The following POLR2F variants were observed in gnomAD, a reference collection of about 807,000 sequenced individuals.
POLR2F encodes RNA polymerase II, I and III subunit F, also known as DNA-directed RNA polymerases I, II, and III subunit RPABC2.
POLR2F carries 12 observed loss-of-function variants against 22.7 expected under a neutral mutation model. That is an observed-to-expected ratio of 0.53 (90% CI 0.34 to 0.86). POLR2F has a LOEUF of 0.86. POLR2F is among the 40% of genes least tolerant of loss of function. The pLI is 0.02. For synonymous variants in POLR2F, 57 were observed against 66.0 expected, an observed-to-expected ratio of 0.86 and a Z score of 0.66; for missense variants, 126 against 171.5, an observed-to-expected ratio of 0.73 and a Z score of 1.48.
Position 37,953,713 on chromosome 22 carries a change from G to A in POLR2F, c.-75G>A, listed in dbSNP as rs377480087. ...AGGCGCAAGATAAGCTAGGAGCCGC[G>A]CGAGTCGTAGTGTCGCTGTTTGCGG... is the stretch of plus-strand genomic sequence containing the variant. On this transcript the variant is annotated 5_prime_UTR_variant, in exon 1 of 5. Coordinates refer to ENST00000442738, the MANE Select transcript of POLR2F (RefSeq NM_021974.5). 4 of 1,548,490 alleles carry A rather than the reference G, an allele frequency of 2.6e-6. No individual in the cohort carries two copies. Among genetic ancestry groups the A allele is most frequent in the East Asian group, 2.3e-5 (1 of 43,624 alleles).
chr22:38,025,649 A>T, intron 1 of POLR2F: 1 of 1,564,768 alleles, frequency 6.4e-7, no homozygotes, highest in Non-Finnish European at 8.6e-7. Context: ...AGGCTCTTTC[A>T]GCATCTCCTC....
downstream of POLR2F, among the ~76,000 whole-genome samples, chr22:37,969,914 G>A (rs1308905996): frequency 6.6e-6 from 1 of 152,150 alleles, no homozygotes; most frequent in Non-Finnish European, 1.5e-5. Flanking sequence ...CAAGGCATCA[G>A]TAGTCTCCAT....
At chr22:37,988,132 G>C (rs535937616) in intron 1 of POLR2F, 1 of 148,130 alleles carries the variant, frequency 6.8e-6, no homozygotes, top group African/African-American at 2.5e-5. Flanking sequence ...GACCATCCTG[G>C]CCAACATGGT....
chr22:37,997,985 G>A lies in POLR2F; in HGVS notation c.120+11673G>A, dbSNP rs763154043. ...GAGCAGGTGTTTGTGTCCCCTTCCG[G>A]TGAGAGCTTTCCAGCGCCCAGAGAG... On this transcript the variant is annotated intron_variant, in intron 1 of 2. Coordinates refer to the POLR2F transcript ENST00000333418. The surrounding 1 kb of genome is among the most constrained non-coding windows in gnomAD (Gnocchi z 4.4). Among the ~76,000 whole-genome samples the A allele has an allele frequency of 3.3e-5, 5 of 152,182 alleles. No homozygotes were observed. The highest frequency in any genetic ancestry group is 7.2e-5 in the African/African-American group (3 of 41,440).
At chr22:38,009,884 T>G (rs7285071) in intron 1 of POLR2F, among the ~76,000 whole-genome samples, 3,226 of 152,336 alleles carry the variant, frequency 0.021, 121 homozygotes, top group African/African-American at 0.074. Flanking sequence ...AATATGTCAT[T>G]GTATGGCTAG....
At chr22:38,001,567 C>T (rs901448082) in intron 1 of POLR2F, among the ~76,000 whole-genome samples, 1 of 152,162 alleles carries the variant, frequency 6.6e-6, no homozygotes, top group Non-Finnish European at 1.5e-5. Flanking sequence ...GAGTCTCATT[C>T]TGTTGCCCAG....
At chr22:37,963,900 G>A (rs1275769847) in intron 3 of POLR2F, among the ~76,000 whole-genome samples, 5 of 152,070 alleles carry the variant, frequency 3.3e-5, no homozygotes, top group African/African-American at 7.2e-5. Flanking sequence ...TCAGGAGTTC[G>A]AGAGCAGCCT....
exon 6 of POLR2F, chr22:38,041,075 C>A: frequency 1.2e-6 from 2 of 1,612,860 alleles, no homozygotes; most frequent in Non-Finnish European, 1.7e-6. Context: ...CAGGAGGCGG[C>A]GGCTCAGAGA....
downstream of POLR2F, among the ~76,000 whole-genome samples, chr22:38,027,310 A>T (rs949227487): frequency 6.6e-6 from 1 of 152,122 alleles, no homozygotes; most frequent in Non-Finnish European, 1.5e-5. Flanking sequence ...TGTTCTTCTC[A>T]CAGGATGTGA....
chr22:37,991,961 G>C (rs1280389949), intron 1 of POLR2F, among the ~76,000 whole-genome samples: 1 of 152,226 alleles, frequency 6.6e-6, no homozygotes, highest in Non-Finnish European at 1.5e-5. Flanking sequence ...GCATGGAAGA[G>C]AATGTGTGCA....
chr22:37,991,365 T>C (rs748327268), intron 1 of POLR2F, among the ~76,000 whole-genome samples: 2 of 152,132 alleles, frequency 1.3e-5, no homozygotes, highest in Non-Finnish European at 2.9e-5. Context: ...GTGATTTGCC[T>C]GCCTCAGCCT....
Position 37,978,062 on chromosome 22 carries a change from G to A in POLR2F, c.293+10892G>A. The A allele has an allele frequency of 6.2e-7, 1 of 1,609,906 alleles. No homozygotes were observed. On this transcript the variant is annotated intron_variant, in intron 4 of 4. Transcript: ENST00000405557. This position sits in a 1 kb window ranked among gnomAD's most constrained non-coding sequence, Gnocchi z 5.0. The stretch of plus-strand genomic sequence containing the variant: ...CTGGGCTGGTACTTGTAGTCCGGGT[G>A]GTCTTTCTTGTGCTGCATACGGAGC...
chr22:37,967,849 C>A lies in POLR2F; in HGVS notation c.*134C>A. 2 of 1,428,144 alleles carry A rather than the reference C, an allele frequency of 1.4e-6. No homozygotes were observed. The highest frequency in any genetic ancestry group is 2.6e-5 in the East Asian group (1 of 38,050). 88.5% of individuals were successfully genotyped at this position (1,428,144 alleles called of 1,614,324 possible). On this transcript the variant is annotated 3_prime_UTR_variant, in exon 5 of 5. Coordinates refer to ENST00000442738, the MANE Select transcript of POLR2F (RefSeq NM_021974.5). ...GCAATGTCACCACCTGTTGCTTCCC[C>A]GTTACCGCCATGCTGCGTGGAGCAT...
At chr22:37,991,031 C>G (rs1416289221) in intron 1 of POLR2F, among the ~76,000 whole-genome samples, 2 of 152,170 alleles carry the variant, frequency 1.3e-5, no homozygotes, top group African/African-American at 4.8e-5. Flanking sequence ...CCTGTAATCC[C>G]AGTACTTTGG....
At position 37,967,936 on chromosome 22, in the gene POLR2F, C is replaced by A; in HGVS notation, c.*221C>A. 1 of 1,232,778 alleles carries A rather than the reference C, an allele frequency of 8.1e-7. No individual in the cohort carries two copies. Among genetic ancestry groups the A allele is most frequent in the Non-Finnish European group, 1.0e-6 (1 of 983,996 alleles). 76.4% of individuals were successfully genotyped at this position (1,232,778 alleles called of 1,614,324 possible). A position where few individuals can be genotyped will look rare whatever the true frequency, so the allele number is the denominator to read the frequency against. The stretch of plus-strand genomic sequence containing the variant: ...TAAGAAGCACCAGGGGCCCTTAGCC[C>A]CTTTGGATCCCCCACATCCTTCCCT... On this transcript the variant is annotated 3_prime_UTR_variant, in exon 5 of 5. Transcript: ENST00000442738.
intron 5 of POLR2F, among the ~76,000 whole-genome samples, chr22:38,037,679 A>G (rs995854803): frequency 1.4e-5 from 2 of 145,496 alleles, no homozygotes; most frequent in East Asian, 2.0e-4. Context: ...TGCAACCTCC[A>G]CCTCCCGGGT....
At chr22:38,009,541 C>T (rs2084853703) in intron 1 of POLR2F, among the ~76,000 whole-genome samples, 1 of 152,150 alleles carries the variant, frequency 6.6e-6, no homozygotes, top group Non-Finnish European at 1.5e-5. Context: ...CAATAAACTG[C>T]ACATATTGAA....
chr22:37,972,298 G>A, downstream of POLR2F: 2 of 1,263,282 alleles, frequency 1.6e-6, no homozygotes, highest in East Asian at 5.6e-5. Flanking sequence ...GCCAGGTCAG[G>A]CTCACCAAGC....
At chr22:38,027,289 C>T (rs750824641), downstream of POLR2F, among the ~76,000 whole-genome samples, 7 of 152,110 alleles carry the variant, frequency 4.6e-5, no homozygotes, top group Non-Finnish European at 7.4e-5. Context: ...TAGGAAAGCA[C>T]GCTGAGTTCG....
Sources: gnomAD v4.1 joint callset for allele counts (sites outside exome capture counted in the v4.1 genomes callset) on GRCh38, gnomAD v4.1.1 for gene constraint, Gnocchi (gnomAD v3.1) non-coding constraint, MANE v1.5 for transcripts, NCBI Gene and HGNC (gene_info 2026-07-23, HGNC 2026-07-21) for gene names.